The following GCN1 variants were observed in gnomAD, a reference collection of about 807,000 sequenced individuals.
GCN1 encodes the protein stalled ribosome sensor GCN1.
A neutral mutation model predicts 288.4 loss-of-function variants in GCN1; 90 were observed. The ratio of observed to expected loss-of-function variants is 0.31; its 90% CI spans 0.26 to 0.37. The LOEUF is 0.37. Ranked by LOEUF, GCN1 falls within the 10% of genes least tolerant of loss-of-function variation. GCN1 has a pLI of 1.00. For synonymous variants in GCN1, 1,386 were observed against 1,420.2 expected, an observed-to-expected ratio of 0.98 and a Z score of 0.54; for missense variants, 2,586 against 3,419.9, an observed-to-expected ratio of 0.76 and a Z score of 6.08.
At chr12:120,190,274 G>C (rs1344653463) in intron 2 of GCN1, 24 bp downstream of exon 2, 4 of 1,098,774 alleles carry the variant, frequency 3.6e-6, no homozygotes, top group Non-Finnish European at 5.6e-6. Flanking sequence ...TATTGTCCAG[G>C]GTATGTGGAT....
intron 38 of GCN1, among the ~76,000 whole-genome samples, chr12:120,145,662 G>C (rs1295466093): frequency 1.3e-5 from 2 of 152,130 alleles, no homozygotes; most frequent in African/African-American, 4.8e-5. Flanking sequence ...ATTACTTCTG[G>C]TAATTTCCTT....
chr12:120,187,263 A>C (rs1275274118), intron 2 of GCN1, among the ~76,000 whole-genome samples: 1 of 148,330 alleles, frequency 6.7e-6, no homozygotes, highest in Non-Finnish European at 1.5e-5. Context: ...CCCAGGCTGG[A>C]GTGCAATGGC....
intron 7 of GCN1, among the ~76,000 whole-genome samples, chr12:120,178,282 T>C (rs1878540948): frequency 6.6e-6 from 1 of 152,204 alleles, no homozygotes; most frequent in South Asian, 2.1e-4. Flanking sequence ...TTTCTCAGAC[T>C]CAGTTCCATG....
chr12:120,152,017 AGTTTTTTGTT>A (rs1408285229), intron 33 of GCN1, among the ~76,000 whole-genome samples: 7 of 143,902 alleles, frequency 4.9e-5, no homozygotes, highest in East Asian at 1.9e-4. Context: ...TTTTTGGTAA[AGTTTTTTGTT>A]GTTTTTTGTT....
chr12:120,151,362 T>A lies in GCN1; in HGVS notation c.4092A>T (p.Pro1364=), dbSNP rs1211406500. The A allele has an allele frequency of 1.2e-6, 2 of 1,613,570 alleles. No homozygotes were observed. The highest frequency in any genetic ancestry group is 1.7e-6 in the Non-Finnish European group (2 of 1,179,836). The change falls in exon 34 of 58, where the codon CCA becomes CCT. Residue 1364 remains proline, a synonymous_variant. Coordinates refer to ENST00000300648, the MANE Select transcript of GCN1 (RefSeq NM_006836.2). ...CCTCCTTGATGGCTGGCACAAGGGG[T>A]GGCAAGCAGCTGGCTACGGACTCCT... The part of the protein sequence containing the change: ...QVQESVASCL[P]PLVPAIKEDA...
At position 120,137,672 on chromosome 12, in the gene GCN1, C is replaced by T; in HGVS notation, c.6536G>A (p.Cys2179Tyr). The change falls in exon 49 of 58, where the codon TGT becomes TAT. Residue 2179 changes from cysteine to tyrosine, a missense_variant. Cys to Tyr is a radical substitution (Grantham distance 194). Coordinates refer to ENST00000300648, the MANE Select transcript of GCN1 (RefSeq NM_006836.2). The surrounding 1 kb of genome is among the most constrained non-coding windows in gnomAD (Gnocchi z 5.2). ...QAAAIILNIY[C>Y]SRSKADYTSH... Reference sequence around the variant, plus strand: ...GGTGTAGTCAGCCTTTGAGCGGGAACAGTAGATGTTGAGGATGATGGCAGC... The same window carrying T: ...GGTGTAGTCAGCCTTTGAGCGGGAATAGTAGATGTTGAGGATGATGGCAGC... The T allele has an allele frequency of 6.2e-7, 1 of 1,614,098 alleles. No homozygotes were observed. The highest frequency in any genetic ancestry group is 8.5e-7 in the Non-Finnish European group (1 of 1,180,004).
chr12:120,156,621 T>C lies in GCN1; in HGVS notation c.3169-17A>G, dbSNP rs750641756. 19 of 1,612,908 alleles carry C rather than the reference T, an allele frequency of 1.2e-5. No individual in the cohort carries two copies. The highest frequency in any genetic ancestry group is 1.7e-5 in the Admixed American group (1 of 59,942). On this transcript the variant is annotated splice_polypyrimidine_tract_variant and intron_variant, in intron 27 of 57. Transcript: ENST00000300648. This position sits in a 1 kb window ranked among gnomAD's most constrained non-coding sequence, Gnocchi z 5.8. The stretch of plus-strand genomic sequence containing the variant: ...AGCCAGAACCTAAGGAGAACATCAA[T>C]CCACTGGTTCAGTCAGCAACTCATT...
intron 11 of GCN1, 91 bp from the exon 12 acceptor site, chr12:120,175,303 C>T (rs779796418): frequency 9.4e-6 from 11 of 1,167,506 alleles, no homozygotes; most frequent in Admixed American, 1.7e-5. Flanking sequence ...TGCCACGATA[C>T]GGTTTCTGAT....
At chr12:120,129,108 C>T (rs903080324) in intron 57 of GCN1, among the ~76,000 whole-genome samples, 168 bp downstream of exon 57, 1 of 152,142 alleles carries the variant, frequency 6.6e-6, no homozygotes, top group African/African-American at 2.4e-5. Context: ...GGATTACAGG[C>T]GCGAGCCACC....
chr12:120,138,493 C>T, intron 46 of GCN1, 78 bp from the exon 47 acceptor site: 18 of 1,062,372 alleles, frequency 1.7e-5, no homozygotes, highest in Non-Finnish European at 2.5e-5. Context: ...CTTCCTTCTC[C>T]ACTTGTTTCC....
At chr12:120,160,711 C>T (rs924593858) in intron 22 of GCN1, among the ~76,000 whole-genome samples, 1 of 152,210 alleles carries the variant, frequency 6.6e-6, no homozygotes, top group African/African-American at 2.4e-5. Context: ...ATTCAGCAAA[C>T]ATTTAGTGAG....
chr12:120,179,041 C>T, intron 5 of GCN1, 91 bp from the exon 6 acceptor site: 2 of 1,043,400 alleles, frequency 1.9e-6, no homozygotes, highest in Admixed American at 4.2e-5. Context: ...CCATCAGACC[C>T]TCCAAATCCT....
intron 2 of GCN1, among the ~76,000 whole-genome samples, chr12:120,189,453 C>A (rs976963181): frequency 4.0e-5 from 6 of 151,686 alleles, no homozygotes; most frequent in African/African-American, 1.5e-4. Flanking sequence ...ACCTCCACCT[C>A]CCAGGTTCAA....
chr12:120,148,429 A>G, intron 36 of GCN1, 83 bp from the exon 37 acceptor site: 1 of 1,145,546 alleles, frequency 8.7e-7, no homozygotes, highest in Non-Finnish European at 1.3e-6. Flanking sequence ...TGAGCAAGGG[A>G]CATCTACCCT....
At position 120,144,599 on chromosome 12, in the gene GCN1, T is replaced by A; in HGVS notation, c.5352+40A>T. Reference sequence around the variant, plus strand: ...CCAGGTGAGCACTTGCCTCCTGCCCTCCTCAAGGACTCTACCCTTGCCAAG... The same window carrying A: ...CCAGGTGAGCACTTGCCTCCTGCCCACCTCAAGGACTCTACCCTTGCCAAG... On this transcript the variant is annotated intron_variant, in intron 41 of 57. Coordinates refer to ENST00000300648, the MANE Select transcript of GCN1 (RefSeq NM_006836.2). This position sits in a 1 kb window ranked among gnomAD's most constrained non-coding sequence, Gnocchi z 4.7. 6.3e-7 allele frequency: 1 copy of A among 1,581,716 alleles called. No homozygotes were observed. The highest frequency in any genetic ancestry group is 8.7e-7 in the Non-Finnish European group (1 of 1,152,498).
At chr12:120,184,710 CAT>C in intron 3 of GCN1, 112 bp downstream of exon 3, 1 of 783,894 alleles carries the variant, frequency 1.3e-6, no homozygotes, top group Non-Finnish European at 2.3e-6. Flanking sequence ...TAGGATGTGA[CAT>C]AGCCCAGATT....
Position 120,153,476 on chromosome 12 carries a change from C to A in GCN1, c.3868-69G>T, listed in dbSNP as rs1877636227. 1.5e-6 allele frequency: 2 copies of A among 1,374,928 alleles called. No individual in the cohort carries two copies. Among genetic ancestry groups the A allele is most frequent in the Non-Finnish European group, 2.0e-6 (2 of 991,934 alleles). 85.2% of individuals were successfully genotyped at this position (1,374,928 alleles called of 1,614,324 possible). ...CTGCATCTGGGGACAACAGTCCCTG[C>A]CCTGAGGACCAAGACCAAGTCTAGC... is the stretch of plus-strand genomic sequence containing the variant. On this transcript the variant is annotated intron_variant, in intron 32 of 57. Transcript: ENST00000300648. This position sits in a 1 kb window ranked among gnomAD's most constrained non-coding sequence, Gnocchi z 4.4.
Position 120,134,835 on chromosome 12 carries a change from G to C in GCN1, c.7009-109C>G. ...ATCCCAAACCACCACAGCGAGTCCA[G>C]CTCTCATACAGGGCTGGGGACAGAT... On this transcript the variant is annotated intron_variant, in intron 51 of 57. Coordinates refer to ENST00000300648, the MANE Select transcript of GCN1 (RefSeq NM_006836.2). This position sits in a 1 kb window ranked among gnomAD's most constrained non-coding sequence, Gnocchi z 5.0. 1.1e-6 allele frequency: 1 copy of C among 922,154 alleles called. No individual in the cohort carries two copies. The highest frequency in any genetic ancestry group is 1.7e-6 in the Non-Finnish European group (1 of 584,456). 57.1% of individuals were successfully genotyped at this position (922,154 alleles called of 1,614,324 possible).
Position 120,153,369 on chromosome 12 carries a change from G to C in GCN1, c.3906C>G (p.Phe1302Leu). 6.2e-7 allele frequency: 1 copy of C among 1,614,194 alleles called. No individual in the cohort carries two copies. Among genetic ancestry groups the C allele is most frequent in the East Asian group, 2.2e-5 (1 of 44,882 alleles). The change falls in exon 33 of 58, where the codon TTC becomes TTG. Residue 1302 changes from phenylalanine (F) to leucine (L), a missense_variant. Phe to Leu is a conservative substitution (Grantham distance 22). Transcript: ENST00000300648. This position sits in a 1 kb window ranked among gnomAD's most constrained non-coding sequence, Gnocchi z 4.4. ...VNSLLPVFEEFLKNAPNDASY... is the reference protein window; with the variant it reads ...VNSLLPVFEELLKNAPNDASY... ...TGGCATCATTGGGCGCGTTCTTCAGGAACTCCTCGAATACTGGCAACAGCG... is the reference window on the plus strand; with the variant it reads ...TGGCATCATTGGGCGCGTTCTTCAGCAACTCCTCGAATACTGGCAACAGCG...
Sources: gnomAD v4.1 joint callset for allele counts (sites outside exome capture counted in the v4.1 genomes callset) on GRCh38, gnomAD v4.1.1 for gene constraint, Gnocchi (gnomAD v3.1) non-coding constraint, MANE v1.5 for transcripts, NCBI Gene and HGNC (gene_info 2026-07-23, HGNC 2026-07-21) for gene names.